Variants in SLC2A3 observed in about 807,000 individuals in gnomAD.
SLC2A3 encodes the protein solute carrier family 2, facilitated glucose transporter member 3.
A neutral mutation model predicts 46.4 loss-of-function variants in SLC2A3; 21 were observed. That is an observed-to-expected ratio of 0.45 (90% CI 0.32 to 0.65). SLC2A3 has a LOEUF of 0.65. Ranked by LOEUF, SLC2A3 falls within the 30% of genes least tolerant of loss-of-function variation. SLC2A3 has a pLI of 0.04. For synonymous variants in SLC2A3, 213 were observed against 239.4 expected, an observed-to-expected ratio of 0.89 and a Z score of 1.02; for missense variants, 499 against 623.3, an observed-to-expected ratio of 0.80 and a Z score of 2.12.
At chr12:7,932,197 G>A (rs1361583256) in intron 3 of SLC2A3, among the ~76,000 whole-genome samples, 33 of 149,768 alleles carry the variant, frequency 2.2e-4, no homozygotes, top group Admixed American at 2.1e-3. Flanking sequence ...TTTGAGACGG[G>A]GTTTTGCTCT....
In SLC2A3 at chr12:7,936,162, CAA is replaced by C. The variant is rs1946210635; in HGVS notation, c.-130_-129del. 8 of 794,302 alleles carry C rather than the reference CAA, an allele frequency of 1.0e-5. No homozygotes were observed. The highest frequency in any genetic ancestry group is 1.6e-5 in the Non-Finnish European group (7 of 444,906). 49.2% of individuals were successfully genotyped at this position (794,302 alleles called of 1,614,324 possible). A position where few individuals can be genotyped will look rare whatever the true frequency, so the allele number is the denominator to read the frequency against. On this transcript the variant is annotated 5_prime_UTR_variant, in exon 1 of 10. The change creates a premature stop within an existing upstream ORF in the 5' untranslated region. Coordinates refer to ENST00000075120, the MANE Select transcript of SLC2A3 (RefSeq NM_006931.3). The stretch of plus-strand genomic sequence containing the variant: ...TTTCTCCACGTCCTCAGGAAGGATC[CAA>C]AGTCTTACCATTACAGCATCTCTGG...
chr12:7,931,161 A>G, intron 4 of SLC2A3, 84 bp downstream of exon 4: 1 of 1,566,326 alleles, frequency 6.4e-7, no homozygotes, highest in African/African-American at 1.4e-5. Context: ...CATGTGCCAG[A>G]TATTCTTCAG....
chr12:7,920,569 T>A lies in SLC2A3; in HGVS notation c.*844A>T, dbSNP rs748044650. ...CCAAAGGAAATCAGTAGCTTTATTA[T>A]ATAGGTATATGACTTTTACGAGAAG... is the stretch of plus-strand genomic sequence containing the variant. On this transcript the variant is annotated 3_prime_UTR_variant, in exon 10 of 10. Transcript: ENST00000075120. 2 of 152,154 alleles carry A rather than the reference T, an allele frequency of 1.3e-5. No homozygotes were observed. Among genetic ancestry groups the A allele is most frequent in the Admixed American group, 1.3e-4 (2 of 15,262 alleles). The allele number at this position is 152,154 out of a possible 1,614,324, so 9.4% of individuals were successfully genotyped here.
Position 7,920,854 on chromosome 12 carries a change from T to C in SLC2A3, c.*559A>G, listed in dbSNP as rs775835549. 1.2e-5 allele frequency: 2 copies of C among 163,064 alleles called. No homozygotes were observed. Among genetic ancestry groups the C allele is most frequent in the African/African-American group, 4.8e-5 (2 of 41,656 alleles). 10.1% of individuals were successfully genotyped at this position (163,064 alleles called of 1,614,324 possible). ...TTCCATCATGGCATATATATACCTA[T>C]GTAACAAACCTGCACATTCGGCACA... On this transcript the variant is annotated 3_prime_UTR_variant, in exon 10 of 10. Coordinates refer to ENST00000075120, the MANE Select transcript of SLC2A3 (RefSeq NM_006931.3).
chr12:7,930,792 GTTT>G (rs66814289), intron 4 of SLC2A3, 150 bp from the exon 5 acceptor site: 9,306 of 245,440 alleles, frequency 0.038, no homozygotes, highest in South Asian at 0.058. Context: ...ACTCAGCATG[GTTT>G]TTTTTTTTTT....
In SLC2A3 at chr12:7,933,752, C is replaced by G. The variant is rs1001824801; in HGVS notation, c.108+58G>C. 10 of 1,565,022 alleles carry G rather than the reference C, an allele frequency of 6.4e-6. No homozygotes were observed. In the Admixed American group the frequency reaches 1.7e-4, roughly 27 times the overall value. ...CCTTAAATTCTGAATTCCTGAAACCCTACTTAAAGGAATAACTTCCCTATT... is the reference window on the plus strand; with the variant it reads ...CCTTAAATTCTGAATTCCTGAAACCGTACTTAAAGGAATAACTTCCCTATT... On this transcript the variant is annotated intron_variant, in intron 2 of 9. Transcript: ENST00000075120.
chr12:7,929,443 C>T, intron 6 of SLC2A3: 2 of 566,784 alleles, frequency 3.5e-6, no homozygotes, highest in Non-Finnish European at 5.9e-6. Flanking sequence ...TGCCAGTGTC[C>T]TTCCAGGGTC....
chr12:7,933,962 T>G, intron 1 of SLC2A3, 60 bp from the exon 2 acceptor site: 1 of 1,494,342 alleles, frequency 6.7e-7, no homozygotes, highest in Non-Finnish European at 9.3e-7. Context: ...GATGACTGTT[T>G]CTTATTAATT....
rs749531280 is a variant in SLC2A3 at position 7,930,530 on chromosome 12, C to T, written c.623G>A (p.Ser208Asn). Residue 208 changes from serine (S) to asparagine (N), a missense_variant, in exon 5 of 10, where the codon AGT (serine) becomes AAT (asparagine). Around this residue, in one of 5 missense-constraint regions of SLC2A3, gnomAD observed 248 missense variants for 284.0 expected, o/e 0.87. Coordinates refer to ENST00000075120, the MANE Select transcript of SLC2A3 (RefSeq NM_006931.3). ...QSAALPFCPE[S>N]PRFLLINRKE... is the part of the protein sequence containing the mutation. ...TCTGTTAATGAGCAAAAATCTGGGA[C>T]TTTCAGGGCAAAATGGAAGGGCTGC... 6.2e-7 allele frequency: 1 copy of T among 1,613,916 alleles called. No homozygotes were observed. Among genetic ancestry groups the T allele is most frequent in the Non-Finnish European group, 8.5e-7 (1 of 1,179,924 alleles).
At chr12:7,922,343 G>T (rs779010588) in intron 9 of SLC2A3, among the ~76,000 whole-genome samples, 20 of 152,074 alleles carry the variant, frequency 1.3e-4, no homozygotes, top group Admixed American at 6.6e-4. Context: ...GGAATTACAG[G>T]CTTGAGCCAC....
At chr12:7,935,250 C>G (rs1042196332) in intron 1 of SLC2A3, among the ~76,000 whole-genome samples, 4 of 152,064 alleles carry the variant, frequency 2.6e-5, no homozygotes, top group Non-Finnish European at 1.5e-5. Context: ...GGTCGGGAGT[C>G]GAGACCAGCC....
intron 9 of SLC2A3, among the ~76,000 whole-genome samples, chr12:7,922,317 G>A (rs1211804736): frequency 6.6e-6 from 1 of 152,000 alleles, no homozygotes. Flanking sequence ...CACCCGCCTA[G>A]GCCTCTCAAA....
At position 7,933,169 on chromosome 12, in the gene SLC2A3, G is replaced by C. The variant is rs1341556762; in HGVS notation, c.109-22C>G. ...TGATCTGCAAAATAAAAGGGTTGGT[G>C]GAAGAACAGACTGTTACAGTTGGAT... On this transcript the variant is annotated intron_variant, in intron 2 of 9. Transcript: ENST00000075120. 2.5e-6 allele frequency: 4 copies of C among 1,612,482 alleles called. No individual in the cohort carries two copies. The East Asian group carries it at 8.9e-5, about 36-fold the overall frequency.
In SLC2A3 at chr12:7,933,816, A is replaced by T. The variant is rs759019829; in HGVS notation, c.102T>A (p.Pro34=). 6.2e-7 allele frequency: 1 copy of T among 1,613,426 alleles called. No individual in the cohort carries two copies. The highest frequency in any genetic ancestry group is 2.2e-5 in the East Asian group (1 of 44,884). The change falls in exon 2 of 10, where the codon CCT becomes CCA. Residue 34 remains proline (P), a synonymous_variant. Coordinates refer to ENST00000075120, the MANE Select transcript of SLC2A3 (RefSeq NM_006931.3). ...FGYNTGVINA[P]EKIIKEFINK... The stretch of plus-strand genomic sequence containing the variant: ...ATTGTGGCCTGGCACTCACCTTCTC[A>T]GGAGCATTGATGACCCCAGTGTTGT...
In SLC2A3 at chr12:7,921,574, C is replaced by T. The variant is rs1307055795; in HGVS notation, c.1330G>A (p.Ala444Thr). 1 of 1,613,750 alleles carries T rather than the reference C, an allele frequency of 6.2e-7. No homozygotes were observed. The highest frequency in any genetic ancestry group is 8.5e-7 in the Non-Finnish European group (1 of 1,179,810). The change falls in exon 10 of 10, where the codon GCT becomes ACT. Residue 444 changes from alanine (A) to threonine (T), a missense_variant. Around this residue, in one of 5 missense-constraint regions of SLC2A3, gnomAD observed 179 missense variants for 205.1 expected, o/e 0.87. Transcript: ENST00000075120. ...TCAGGGACTTTGAAGAAGGTAAAAG[C>T]CAAGAAGGTAATGAGGAAGCCGGTG... ...IFTGFLITFL[A>T]FTFFKVPETR...
At chr12:7,935,059 G>C (rs952418612) in intron 1 of SLC2A3, among the ~76,000 whole-genome samples, 1 of 152,040 alleles carries the variant, frequency 6.6e-6, no homozygotes, top group Non-Finnish European at 1.5e-5. Context: ...CAAACTCCAG[G>C]CCTCATGTGA....
intron 4 of SLC2A3, among the ~76,000 whole-genome samples, chr12:7,931,042 C>T (rs984520990): frequency 3.3e-5 from 5 of 152,050 alleles, no homozygotes; most frequent in African/African-American, 7.2e-5. Flanking sequence ...GTGATCTGCC[C>T]ACCTCGGCCT....
intron 8 of SLC2A3, among the ~76,000 whole-genome samples, chr12:7,923,555 C>T (rs1946061629): frequency 6.6e-6 from 1 of 151,964 alleles, no homozygotes; most frequent in Non-Finnish European, 1.5e-5. Context: ...GCAGAGGTTG[C>T]AGTGAGCTGA....
Position 7,933,856 on chromosome 12 carries a change from G to A in SLC2A3, c.62C>T (p.Ser21Phe). 1.9e-6 allele frequency: 3 copies of A among 1,614,080 alleles called. No homozygotes were observed. Among genetic ancestry groups the A allele is most frequent in the Non-Finnish European group, 2.5e-6 (3 of 1,179,984 alleles). The change falls in exon 2 of 10, where the codon TCT becomes TTT. Residue 21 changes from serine (S) to phenylalanine (F), a missense_variant. Physicochemically the swap from Ser to Phe is radical, Grantham distance 155 (BLOSUM62 -2). Coordinates refer to ENST00000075120, the MANE Select transcript of SLC2A3 (RefSeq NM_006931.3). ...IFAITVATIG[S>F]FQFGYNTGVI... ...CCCAGTGTTGTAGCCAAATTGGAAA[G>A]AGCCGATTGTAGCAACTGTGATGGC...
Sources: allele counts gnomAD v4.1 joint callset (sites outside exome capture counted in the v4.1 genomes callset), GRCh38; gene constraint gnomAD v4.1.1; regional missense constraint gnomAD v4.1.1; transcripts MANE v1.5; gene names NCBI Gene and HGNC (gene_info 2026-07-23, HGNC 2026-07-21).